The following GPRC6A variants were observed in gnomAD, a reference collection of about 807,000 sequenced individuals.
The protein encoded by GPRC6A is G protein-coupled receptor family C group 6 member A.
GPRC6A carries 54 observed loss-of-function variants against 47.0 expected under a neutral mutation model. The observed-to-expected ratio is 1.15, with a 90% CI of 0.92 to 1.44. The LOEUF (loss-of-function observed/expected upper bound fraction) is 1.44. Among genes scored for constraint, GPRC6A ranks in the 40% most tolerant of loss-of-function variants. GPRC6A has a pLI of 0.00. For synonymous variants in GPRC6A, 347 were observed against 377.1 expected (o/e 0.92, Z 0.93); for missense variants, 1,112 against 1,105.5 (o/e 1.01, Z -0.08).
chr6:116,812,831 G>A (rs1372969570), intron 1 of GPRC6A, among the ~76,000 whole-genome samples: 1 of 152,188 alleles, frequency 6.6e-6, no homozygotes, highest in Non-Finnish European at 1.5e-5. Context: ...CCTGTTGGCA[G>A]ATGACATGAC....
chr6:116,817,307 C>T (rs1229687234), intron 1 of GPRC6A, among the ~76,000 whole-genome samples: 2 of 152,074 alleles, frequency 1.3e-5, no homozygotes, highest in African/African-American at 4.8e-5. Context: ...CGTATTCCAA[C>T]AGACCTGCAG....
At chr6:116,816,016 C>T (rs529312951) in intron 1 of GPRC6A, among the ~76,000 whole-genome samples, 16 of 152,262 alleles carry the variant, frequency 1.1e-4, no homozygotes, top group Admixed American at 4.6e-4. Flanking sequence ...CAAAGGGGGG[C>T]GTTAGCACCT....
chr6:116,812,323 G>A (rs1360910462), intron 1 of GPRC6A, among the ~76,000 whole-genome samples: 1 of 152,176 alleles, frequency 6.6e-6, no homozygotes, highest in East Asian at 1.9e-4. Flanking sequence ...AGAAGCAAAA[G>A]CGGAGGGAAT....
chr6:116,822,866 A>T (rs867393247), intron 1 of GPRC6A, among the ~76,000 whole-genome samples: 157 of 150,036 alleles, frequency 1.0e-3, no homozygotes, highest in African/African-American at 2.9e-3. Context: ...ATAATAATAA[A>T]AAAAAAGAAA....
chr6:116,805,865 T>G (rs1772820175), intron 3 of GPRC6A, among the ~76,000 whole-genome samples: 1 of 151,974 alleles, frequency 6.6e-6, no homozygotes, highest in Admixed American at 6.6e-5. Context: ...TTACTCTACC[T>G]CCATCCTAAC....
chr6:116,812,401 T>C (rs1035852451), intron 1 of GPRC6A, among the ~76,000 whole-genome samples: 1 of 152,058 alleles, frequency 6.6e-6, no homozygotes, highest in Non-Finnish European at 1.5e-5. Flanking sequence ...ATGATGATGC[T>C]TATCATGGTG....
intron 1 of GPRC6A, among the ~76,000 whole-genome samples, chr6:116,816,413 C>A (rs1480885710): frequency 1.3e-5 from 2 of 152,222 alleles, no homozygotes; most frequent in Admixed American, 6.5e-5. Flanking sequence ...AAAATAATCT[C>A]TTTTAACTCC....
At chr6:116,825,209 C>T (rs953636731) in intron 1 of GPRC6A, among the ~76,000 whole-genome samples, 1 of 152,024 alleles carries the variant, frequency 6.6e-6, no homozygotes, top group Non-Finnish European at 1.5e-5. Context: ...CACTCTTATT[C>T]AACATAGTAT....
intron 2 of GPRC6A, 62 bp downstream of exon 2, chr6:116,809,252 C>T (rs1772946874): frequency 9.3e-6 from 13 of 1,391,400 alleles, no homozygotes; most frequent in South Asian, 1.3e-5. Flanking sequence ...TCAGGTTTCC[C>T]TGATCCTTTC....
intron 2 of GPRC6A, 139 bp downstream of exon 2, chr6:116,809,175 T>G: frequency 1.6e-6 from 1 of 639,916 alleles, no homozygotes; most frequent in Non-Finnish European, 2.7e-6. Context: ...TCTGTAATGG[T>G]GTGCATCCTT....
rs1562476834 is a variant in GPRC6A at position 116,792,737 on chromosome 6, GTAGGTGC to G, written c.2179_2185del (p.Ala727LeufsTer2). 4.3e-6 allele frequency: 7 copies of G among 1,613,818 alleles called. No individual in the cohort carries two copies. Among genetic ancestry groups the G allele is most frequent in the Non-Finnish European group, 5.9e-6 (7 of 1,179,830 alleles). ...GGGCAAGGAGACATTCACCTCTACA[GTAGGTGC>G]TGCAAAGATTAGCCAGAGTGTGCAA... On this transcript the variant is annotated frameshift_variant, in exon 6 of 6. Transcript: ENST00000310357. LOFTEE classifies it low-confidence loss of function (END_TRUNC).
rs759812585 is a variant in GPRC6A, at chr6:116,809,504, C to T, written c.308G>A (p.Cys103Tyr). 1.9e-6 allele frequency: 3 copies of T among 1,613,524 alleles called. No homozygotes were observed. The highest frequency in any genetic ancestry group is 1.7e-5 in the Admixed American group (1 of 59,902). The change falls in exon 2 of 6, where the codon TGT becomes TAT. Residue 103 changes from cysteine to tyrosine, a missense_variant. Coordinates refer to ENST00000310357, the MANE Select transcript of GPRC6A (RefSeq NM_148963.4). ...VKLGYEIYDT[C>Y]TEVTVAMAAT... The stretch of plus-strand genomic sequence containing the variant: ...TGCCATTGCCACTGTGACTTCTGTA[C>T]AAGTGTCATAGATTTCATACCCCAG...
At chr6:116,804,039 A>G (rs1772761508) in intron 3 of GPRC6A, among the ~76,000 whole-genome samples, 1 of 152,082 alleles carries the variant, frequency 6.6e-6, no homozygotes, top group Non-Finnish European at 1.5e-5. Context: ...GAGACACCAA[A>G]CATTTGCTAA....
chr6:116,829,231 T>C (rs541694715), upstream of GPRC6A, among the ~76,000 whole-genome samples: 45 of 152,168 alleles, frequency 3.0e-4, no homozygotes, highest in Non-Finnish European at 6.2e-4. Context: ...AGAGATAATG[T>C]GATAGCAGTC....
At chr6:116,826,272 T>A (rs548599590) in intron 1 of GPRC6A, among the ~76,000 whole-genome samples, 1 of 152,018 alleles carries the variant, frequency 6.6e-6, no homozygotes, top group Admixed American at 6.6e-5. Flanking sequence ...TGGGAGAAGA[T>A]ATTTGCAGAC....
chr6:116,824,873 C>A (rs545107911), intron 1 of GPRC6A, among the ~76,000 whole-genome samples: 1 of 151,868 alleles, frequency 6.6e-6, no homozygotes, highest in Non-Finnish European at 1.5e-5. Flanking sequence ...TTCAACAGTG[C>A]GTCACAAAGA....
Position 116,792,820 on chromosome 6 carries a change from G to A in GPRC6A, c.2103C>T (p.Leu701=). 2 of 1,614,080 alleles carry A rather than the reference G, an allele frequency of 1.2e-6. No individual in the cohort carries two copies. Among genetic ancestry groups the A allele is most frequent in the South Asian group, 1.1e-5 (1 of 91,084 alleles). Residue 701 remains leucine, a synonymous_variant, in exon 6 of 6, where the codon CTC becomes CTT. Coordinates refer to ENST00000310357, the MANE Select transcript of GPRC6A (RefSeq NM_148963.4). ...DPKLQKFLKC[L]YRPILIIFTC... ...TGAAGATAATAAGGATCGGTCTATA[G>A]AGGCACTTCAGAAATTTCTGTAATT...
chr6:116,794,563 A>T (rs924560954), intron 5 of GPRC6A, among the ~76,000 whole-genome samples: 4 of 152,248 alleles, frequency 2.6e-5, no homozygotes, highest in Admixed American at 2.6e-4. Context: ...ACAGCCTTTA[A>T]AGGGTCCCGT....
At chr6:116,810,739 TTTAA>T (rs1247463553) in intron 1 of GPRC6A, among the ~76,000 whole-genome samples, 1 of 151,888 alleles carries the variant, frequency 6.6e-6, no homozygotes, top group Admixed American at 6.6e-5. Context: ...AAATTTTAAA[TTTAA>T]TTAAGAAATT....
Sources: gnomAD v4.1 joint callset for allele counts (sites outside exome capture counted in the v4.1 genomes callset) on GRCh38, gnomAD v4.1.1 for gene constraint, MANE v1.5 for transcripts, NCBI Gene and HGNC (gene_info 2026-07-23, HGNC 2026-07-21) for gene names.